The following VLDLR variants were observed in gnomAD, a reference collection of about 807,000 sequenced individuals.
The protein encoded by VLDLR is very low-density lipoprotein receptor.
A neutral mutation model predicts 112.7 loss-of-function variants in VLDLR; 81 were observed. That is an observed-to-expected ratio of 0.72 (90% CI 0.60 to 0.86). The LOEUF (loss-of-function observed/expected upper bound fraction) is 0.86. Among genes scored for constraint, VLDLR ranks in the 40% least tolerant of loss-of-function variants. The pLI is 0.00. For synonymous variants in VLDLR, 436 were observed against 384.8 expected (o/e 1.13, Z -1.56); for missense variants, 1,237 against 1,099.4 (o/e 1.13, Z -1.77).
chr9:2,636,161 C>T (rs7035616), intron 2 of VLDLR, among the ~76,000 whole-genome samples: 55,764 of 152,030 alleles, frequency 0.37, 10,864 homozygotes, highest in African/African-American at 0.48. Context: ...TAAAAGATCA[C>T]TGTGAGAAAT....
Position 2,622,132 on chromosome 9 carries a change from G to C in VLDLR, c.-58G>C. On this transcript the variant is annotated 5_prime_UTR_variant, in exon 1 of 19. Transcript: ENST00000382100. Reference sequence around the variant, plus strand: ...CTCCTTTCGGAAGGACTGGTAACTTGTCGTGCGGAGCGAACGGCGGCGGCG... The same window carrying C: ...CTCCTTTCGGAAGGACTGGTAACTTCTCGTGCGGAGCGAACGGCGGCGGCG... 2 of 1,428,402 alleles carry C rather than the reference G, an allele frequency of 1.4e-6. No homozygotes were observed. The highest frequency in any genetic ancestry group is 2.8e-5 in the East Asian group (1 of 35,616). 88.5% of individuals were successfully genotyped at this position (1,428,402 alleles called of 1,614,324 possible).
chr9:2,639,504 G>A (rs1048023745), intron 2 of VLDLR, among the ~76,000 whole-genome samples: 1 of 152,212 alleles, frequency 6.6e-6, no homozygotes, highest in African/African-American at 2.4e-5. Context: ...GCTGTTAAAT[G>A]AAGTACTTGA....
At position 2,648,260 on chromosome 9, in the gene VLDLR, C is replaced by T. The variant is rs1186761930; in HGVS notation, c.1875C>T (p.Ser625=). Residue 625 remains serine (S), a synonymous_variant, in exon 13 of 19, where the codon TCC becomes TCT. Coordinates refer to ENST00000382100, the MANE Select transcript of VLDLR (RefSeq NM_003383.5). ...TTGATTCTAAGTTGCACATGTTATC[C>T]AGCGTGGACTTGAATGGCCAAGATC... is the stretch of plus-strand genomic sequence containing the variant. ...YWLDSKLHML[S]SVDLNGQDRR... is the part of the protein sequence containing the mutation. The T allele has an allele frequency of 6.2e-7, 1 of 1,614,160 alleles. No homozygotes were observed. Among genetic ancestry groups the T allele is most frequent in the East Asian group, 2.2e-5 (1 of 44,888 alleles).
At chr9:2,653,349 T>A (rs1563769318) in intron 18 of VLDLR, among the ~76,000 whole-genome samples, 1 of 152,160 alleles carries the variant, frequency 6.6e-6, no homozygotes, top group East Asian at 1.9e-4. Context: ...TTAGCCAAAA[T>A]TATTATATGC....
In VLDLR at chr9:2,653,900, A is replaced by C. The variant is rs1238873966; in HGVS notation, c.*32A>C. 1.2e-6 allele frequency: 2 copies of C among 1,612,944 alleles called. No homozygotes were observed. The highest frequency in any genetic ancestry group is 2.2e-5 in the South Asian group (2 of 91,050). ...TGACAAATGTTGACCTTTGAGGTCTAAACAAATAATACCCCCGTCGGAATG... is the reference window on the plus strand; with the variant it reads ...TGACAAATGTTGACCTTTGAGGTCTCAACAAATAATACCCCCGTCGGAATG... On this transcript the variant is annotated 3_prime_UTR_variant, in exon 19 of 19. Coordinates refer to ENST00000382100, the MANE Select transcript of VLDLR (RefSeq NM_003383.5).
In VLDLR at chr9:2,650,410, T is replaced by C. The variant is rs766923726; in HGVS notation, c.2145T>C (p.Cys715=). The C allele has an allele frequency of 1.9e-6, 3 of 1,614,114 alleles. No homozygotes were observed. The East Asian group carries it at 6.7e-5, about 36-fold the overall frequency. The change falls in exon 15 of 19, where the codon TGT becomes TGC. Residue 715 remains cysteine (C), a synonymous_variant. Transcript: ENST00000382100. ...AAGAAGACATGGAGAATGGAGGATG[T>C]GAATACCTATGCCTGCCAGCACCAC... ...WCEEDMENGG[C]EYLCLPAPQI...
chr9:2,645,788 G>T (rs1238764989), intron 10 of VLDLR, 43 bp downstream of exon 10: 4 of 1,612,176 alleles, frequency 2.5e-6, no homozygotes, highest in Admixed American at 3.3e-5. Flanking sequence ...ATAAGTCATT[G>T]TCACTTGGGA....
At chr9:2,625,644 A>C (rs916330994) in intron 1 of VLDLR, among the ~76,000 whole-genome samples, 5 of 152,212 alleles carry the variant, frequency 3.3e-5, no homozygotes, top group Non-Finnish European at 7.3e-5. Flanking sequence ...TGGCTAATAC[A>C]ACTGCCCTCT....
At position 2,622,246 on chromosome 9, in the gene VLDLR, C is replaced by G; in HGVS notation, c.57C>G (p.Pro19=). 6.7e-7 allele frequency: 1 copy of G among 1,495,546 alleles called. No individual in the cohort carries two copies. Among genetic ancestry groups the G allele is most frequent in the Non-Finnish European group, 8.9e-7 (1 of 1,129,140 alleles). 92.6% of individuals were successfully genotyped at this position (1,495,546 alleles called of 1,614,324 possible). A position where few individuals can be genotyped will look rare whatever the true frequency, so the allele number is the denominator to read the frequency against. ...LWLLLALCWA[P]RESGATGTGR... is the part of the protein sequence containing the mutation. ...TGCTGCTCGCGCTGTGCTGGGCGCC[C>G]CGGGAGAGCGGCGCCACCGGAACCG... The change falls in exon 1 of 19, where the codon CCC becomes CCG. Residue 19 remains proline, a synonymous_variant. Coordinates refer to ENST00000382100, the MANE Select transcript of VLDLR (RefSeq NM_003383.5).
Position 2,633,047 on chromosome 9 carries a change from A to T in VLDLR, c.83-2406A>T, listed in dbSNP as rs373051083. On this transcript the variant is annotated intron_variant, in intron 1 of 18. Coordinates refer to ENST00000382100, the MANE Select transcript of VLDLR (RefSeq NM_003383.5). ...CTCCTTATTGGAGAGAGAGAGAGAGAGAGAGTGTGTGTGTGTGTGTGTGTG... is the reference window on the plus strand; with the variant it reads ...CTCCTTATTGGAGAGAGAGAGAGAGTGAGAGTGTGTGTGTGTGTGTGTGTG... Among the ~76,000 whole-genome samples the T allele has an allele frequency of 8.7e-3, 827 of 95,426 alleles. 3 individuals carry two copies. Among genetic ancestry groups the T allele is most frequent in the Non-Finnish European group, 0.012 (514 of 41,984 alleles). 62.6% of individuals were successfully genotyped at this position (95,426 alleles called of 152,430 possible).
intron 1 of VLDLR, among the ~76,000 whole-genome samples, chr9:2,631,863 C>T (rs1201347358): frequency 6.6e-6 from 1 of 151,964 alleles, no homozygotes; most frequent in Non-Finnish European, 1.5e-5. Flanking sequence ...ATACAAACAC[C>T]ACCAAGAAGA....
intron 1 of VLDLR, among the ~76,000 whole-genome samples, chr9:2,634,544 G>A (rs1239159549): frequency 6.6e-6 from 1 of 152,166 alleles, no homozygotes; most frequent in East Asian, 1.9e-4. Context: ...GCCTGTGCCG[G>A]GCAAAACACC....
Position 2,659,498 on chromosome 9 carries a change from C to G in VLDLR, c.*5630C>G, listed in dbSNP as rs1417416017. ...TTCCAGAATTATTTTCCTTGGCCAT[C>G]CAAGTGAAGTAGAAGTAGATTGTTG... On this transcript the variant is annotated 3_prime_UTR_variant, in exon 19 of 19. Transcript: ENST00000382100. 1 of 152,152 alleles carries G rather than the reference C, an allele frequency of 6.6e-6. No individual in the cohort carries two copies. Among genetic ancestry groups the G allele is most frequent in the Non-Finnish European group, 1.5e-5 (1 of 68,030 alleles). 9.4% of individuals were successfully genotyped at this position (152,152 alleles called of 1,614,324 possible). A position where few individuals can be genotyped will look rare whatever the true frequency, so the allele number is the denominator to read the frequency against.
intron 1 of VLDLR, among the ~76,000 whole-genome samples, chr9:2,622,557 C>G (rs993405844): frequency 6.6e-6 from 1 of 152,244 alleles, no homozygotes; most frequent in African/African-American, 2.4e-5. Context: ...CGCCTCGTTT[C>G]TCGCCCTCTT....
intron 1 of VLDLR, among the ~76,000 whole-genome samples, chr9:2,635,210 C>A (rs1285428934): frequency 6.6e-6 from 1 of 152,152 alleles, no homozygotes; most frequent in Non-Finnish European, 1.5e-5. Flanking sequence ...CAGAATGTAG[C>A]CCCTTGGCTG....
intron 9 of VLDLR, 119 bp downstream of exon 9, chr9:2,645,201 C>A (rs2290465): frequency 6.8e-7 from 1 of 1,461,310 alleles, no homozygotes; most frequent in East Asian, 2.3e-5. Flanking sequence ...AACAATGCTG[C>A]TAACCTCATA....
In VLDLR at chr9:2,645,582, C is replaced by T. The variant is rs764362270; in HGVS notation, c.1321C>T (p.Pro441Ser). 3 of 1,614,220 alleles carry T rather than the reference C, an allele frequency of 1.9e-6. No individual in the cohort carries two copies. Among genetic ancestry groups the T allele is most frequent in the Admixed American group, 1.7e-5 (1 of 60,028 alleles). ...AGACTTCCATCTTGCAGGCAAAGAGCCAAGTCTGATCTTCACTAATCGAAG... is the reference window on the plus strand; with the variant it reads ...AGACTTCCATCTTGCAGGCAAAGAGTCAAGTCTGATCTTCACTAATCGAAG... ...TGVCKAVGKE[P>S]SLIFTNRRDI... is the part of the protein sequence containing the mutation. Residue 441 changes from proline to serine, a missense_variant, in exon 10 of 19, where the codon CCA (proline) becomes TCA (serine). Pro to Ser is a moderately conservative substitution (Grantham distance 74, BLOSUM62 -1). Transcript: ENST00000382100.
chr9:2,641,456 T>C lies in VLDLR; in HGVS notation c.405T>C (p.Asp135=). The C allele has an allele frequency of 3.1e-6, 5 of 1,614,164 alleles. No homozygotes were observed. The highest frequency in any genetic ancestry group is 4.2e-6 in the Non-Finnish European group (5 of 1,180,020). ...TQCIPVSWRC[D]GENDCDSGED... is the part of the protein sequence containing the mutation. ...GTATCCCAGTGTCCTGGAGATGTGATGGTGAAAATGATTGTGACAGTGGAG... is the reference window on the plus strand; with the variant it reads ...GTATCCCAGTGTCCTGGAGATGTGACGGTGAAAATGATTGTGACAGTGGAG... The change falls in exon 4 of 19, where the codon GAT becomes GAC. Residue 135 remains aspartate (D), a synonymous_variant. Coordinates refer to ENST00000382100, the MANE Select transcript of VLDLR (RefSeq NM_003383.5).
At chr9:2,633,047 A>AGTGT (rs780332222) in intron 1 of VLDLR, among the ~76,000 whole-genome samples, 5,139 of 94,984 alleles carry the variant, frequency 0.054, 68 homozygotes, top group East Asian at 0.075. Flanking sequence ...AGAGAGAGAG[A>AGTGT]GAGAGTGTGT....
Sources: gnomAD v4.1 joint callset for allele counts (sites outside exome capture counted in the v4.1 genomes callset) on GRCh38, gnomAD v4.1.1 for gene constraint, MANE v1.5 for transcripts, NCBI Gene and HGNC (gene_info 2026-07-23, HGNC 2026-07-21) for gene names.